Variants in TRAPPC8 observed in about 807,000 individuals in gnomAD.
TRAPPC8 encodes the protein general sporulation gene 1 homolog.
Under a neutral mutation model 174.3 loss-of-function variants are expected in TRAPPC8, and 54 were observed. The observed-to-expected ratio is 0.31, with a 90% CI of 0.25 to 0.39. The LOEUF (loss-of-function observed/expected upper bound fraction) is 0.39, where lower values mean the gene tolerates loss of function less well. Ranked by LOEUF, TRAPPC8 falls within the 10% of genes least tolerant of loss-of-function variation. The probability of loss-of-function intolerance (pLI) is 1.00; values close to 1 mark genes in which losing one functional copy is unlikely to be tolerated. For synonymous variants in TRAPPC8, 630 were observed against 579.9 expected, an observed-to-expected ratio of 1.09 and a Z score of -1.24; for missense variants, 1,531 against 1,699.1, an observed-to-expected ratio of 0.90 and a Z score of 1.74.
intron 2 of TRAPPC8, among the ~76,000 whole-genome samples, chr18:31,924,905 A>C (rs943952635): frequency 2.0e-5 from 3 of 152,132 alleles, no homozygotes; most frequent in African/African-American, 4.8e-5. Context: ...TCCCACAACC[A>C]AATCATAACT....
At chr18:31,923,691 T>C (rs567449284) in intron 2 of TRAPPC8, among the ~76,000 whole-genome samples, 2 of 151,446 alleles carry the variant, frequency 1.3e-5, no homozygotes, top group Non-Finnish European at 2.9e-5. Context: ...TCAGTCTTCA[T>C]GGCCAACATA....
At chr18:31,840,911 T>TAAA in intron 26 of TRAPPC8, among the ~76,000 whole-genome samples, 1 of 136,590 alleles carries the variant, frequency 7.3e-6, no homozygotes, top group Non-Finnish European at 1.6e-5. Context: ...GGGCTACTGG[T>TAAA]AAAAAAAAAA....
At chr18:31,834,351 C>A (rs560964537) in intron 27 of TRAPPC8, among the ~76,000 whole-genome samples, 2 of 152,232 alleles carry the variant, frequency 1.3e-5, no homozygotes, top group African/African-American at 4.8e-5. Context: ...CTCAGGAGAT[C>A]CGCCCGCCTT....
rs1568045437 is a variant in TRAPPC8 at position 31,852,657 on chromosome 18, T to C, written c.3440A>G (p.Lys1147Arg). 1.9e-6 allele frequency: 3 copies of C among 1,613,708 alleles called. No individual in the cohort carries two copies. Among genetic ancestry groups the C allele is most frequent in the East Asian group, 2.2e-5 (1 of 44,832 alleles). ...SVNLSENKDT[K>R]LASREKGKFC... ...CTTTCCCTTCTCCCTACTGGCAAGTTTGGTATCTAGGAAGAAAAAGGGAAA... is the reference window on the plus strand; with the variant it reads ...CTTTCCCTTCTCCCTACTGGCAAGTCTGGTATCTAGGAAGAAAAAGGGAAA... The change falls in exon 23 of 29, where the codon AAA becomes AGA. Residue 1147 changes from lysine (K) to arginine (R), a missense_variant. Physicochemically the swap from Lys to Arg is conservative, Grantham distance 26. Transcript: ENST00000283351.
At chr18:31,849,503 T>C in intron 25 of TRAPPC8, 63 bp downstream of exon 25, 1 of 1,340,428 alleles carries the variant, frequency 7.5e-7, no homozygotes, top group South Asian at 2.0e-5. Context: ...TATACGTTTG[T>C]GCTTAGCTTA....
chr18:31,864,888 T>G, intron 18 of TRAPPC8, 107 bp from the exon 19 acceptor site: 2 of 1,052,030 alleles, frequency 1.9e-6, no homozygotes, highest in Non-Finnish European at 2.7e-6. Flanking sequence ...TCTAGAAAAA[T>G]TCTAGACAAT....
chr18:31,909,626 T>C (rs770989486), intron 6 of TRAPPC8, 41 bp downstream of exon 6: 5 of 1,577,898 alleles, frequency 3.2e-6, no homozygotes, highest in African/African-American at 1.4e-5. Context: ...ACAGTGCATA[T>C]TTTCAATCAA....
chr18:31,917,343 A>G (rs1454322738), intron 3 of TRAPPC8, among the ~76,000 whole-genome samples: 1 of 151,812 alleles, frequency 6.6e-6, no homozygotes, highest in African/African-American at 2.4e-5. Context: ...AAAATAAGCA[A>G]GCCCTCTGTA....
chr18:31,874,816 G>T, intron 12 of TRAPPC8, 112 bp from the exon 13 acceptor site: 1 of 820,790 alleles, frequency 1.2e-6, no homozygotes, highest in South Asian at 1.8e-5. Flanking sequence ...TTCCTCTAAG[G>T]GGGACTGGGA....
At chr18:31,848,843 G>C (rs574230731) in intron 25 of TRAPPC8, among the ~76,000 whole-genome samples, 2 of 152,224 alleles carry the variant, frequency 1.3e-5, no homozygotes, top group Admixed American at 6.5e-5. Context: ...TGTAACGTAA[G>C]AATTAAGACT....
Position 31,873,420 on chromosome 18 carries a change from CT to C in TRAPPC8, c.2062+9del. ...CATTAGGTAATTAGGCTAAATAAAA[CT>C]TTACTAACCATCCGCTGGTCGTCTG... On this transcript the variant is annotated intron_variant, in intron 14 of 28. Coordinates refer to ENST00000283351, the MANE Select transcript of TRAPPC8 (RefSeq NM_014939.5). 1 of 1,602,958 alleles carries C rather than the reference CT, an allele frequency of 6.2e-7. No individual in the cohort carries two copies. Among genetic ancestry groups the C allele is most frequent in the Non-Finnish European group, 8.5e-7 (1 of 1,173,688 alleles).
intron 1 of TRAPPC8, among the ~76,000 whole-genome samples, chr18:31,933,020 A>AAAAAAAAAAAG (rs1568153937): frequency 7.8e-5 from 10 of 128,950 alleles, no homozygotes; most frequent in African/African-American, 3.1e-4. Context: ...AAAAAAAAAA[A>AAAAAAAAAAAG]GCCGGGCGCA....
chr18:31,915,438 AGG>A (rs2037090218), intron 4 of TRAPPC8, among the ~76,000 whole-genome samples: 1 of 124,946 alleles, frequency 8.0e-6, no homozygotes, highest in Admixed American at 7.9e-5. Flanking sequence ...ACTACAGCCT[AGG>A]TGACAAAGTG....
At chr18:31,890,995 C>A in intron 11 of TRAPPC8, 129 bp from the exon 12 acceptor site, 1 of 780,826 alleles carries the variant, frequency 1.3e-6, no homozygotes, top group Non-Finnish European at 1.8e-6. Context: ...TATATGAGGG[C>A]AAAGATCAAG....
intron 1 of TRAPPC8, among the ~76,000 whole-genome samples, chr18:31,935,070 C>T (rs868764104): frequency 1.8e-4 from 27 of 152,108 alleles, no homozygotes; most frequent in Admixed American, 4.6e-4. Context: ...CTAGGCCGGG[C>T]GTGATGGCTC....
chr18:31,839,429 A>C lies in TRAPPC8; in HGVS notation c.3866T>G (p.Phe1289Cys). The C allele has an allele frequency of 1.2e-6, 2 of 1,604,284 alleles. No individual in the cohort carries two copies. Among genetic ancestry groups the C allele is most frequent in the African/African-American group, 1.3e-5 (1 of 74,582 alleles). Residue 1289 changes from phenylalanine (F) to cysteine (C), a missense_variant, in exon 27 of 29, where the codon TTT becomes TGT. Transcript: ENST00000283351. ...QEPPEMELLKFFRPENITVSS... is the reference protein window; with the variant it reads ...QEPPEMELLKCFRPENITVSS... Reference sequence around the variant, plus strand: ...AACTGTAATGTTTTCTGGCCTGAAAAATTTCAATAGTTCCATTTCTGGTGG... The same window carrying C: ...AACTGTAATGTTTTCTGGCCTGAAACATTTCAATAGTTCCATTTCTGGTGG...
intron 12 of TRAPPC8, among the ~76,000 whole-genome samples, chr18:31,877,469 G>T (rs1297949135): frequency 6.6e-6 from 1 of 151,820 alleles, no homozygotes; most frequent in Non-Finnish European, 1.5e-5. Flanking sequence ...AACATTACCG[G>T]GGTGAGGTGG....
At chr18:31,935,619 C>T (rs1252254309) in intron 1 of TRAPPC8, among the ~76,000 whole-genome samples, 1 of 149,720 alleles carries the variant, frequency 6.7e-6, no homozygotes, top group African/African-American at 2.5e-5. Context: ...ACTGGACCCA[C>T]TGCACCCAGT....
chr18:31,846,637 C>T, intron 26 of TRAPPC8, 79 bp downstream of exon 26: 1 of 1,207,290 alleles, frequency 8.3e-7, no homozygotes, highest in Non-Finnish European at 1.2e-6. Flanking sequence ...TTCAAAAACA[C>T]AAAAGCCAAC....
Sources: gnomAD v4.1 joint callset for allele counts (sites outside exome capture counted in the v4.1 genomes callset) on GRCh38, gnomAD v4.1.1 for gene constraint, MANE v1.5 for transcripts, NCBI Gene and HGNC (gene_info 2026-07-23, HGNC 2026-07-21) for gene names.